Variants in PLIN1 observed in about 807,000 individuals in gnomAD.
PLIN1 encodes perilipin-1.
A neutral mutation model predicts 45.8 loss-of-function variants in PLIN1; 37 were observed. The observed-to-expected ratio is 0.81, with a 90% CI of 0.62 to 1.06. The LOEUF is 1.06. PLIN1 is among the 50% of genes least tolerant of loss of function. The pLI, the probability that PLIN1 is intolerant of heterozygous loss-of-function variation, is 0.00. For synonymous variants in PLIN1, 340 were observed against 309.2 expected, an observed-to-expected ratio of 1.10 and a Z score of -1.05; for missense variants, 776 against 716.5, an observed-to-expected ratio of 1.08 and a Z score of -0.95.
Position 89,664,588 on chromosome 15 carries a change from C to A in PLIN1, c.*995G>T. The A allele has an allele frequency of 3.8e-6, 1 of 262,182 alleles. No individual in the cohort carries two copies. The highest frequency in any genetic ancestry group is 7.6e-6 in the Non-Finnish European group (1 of 131,658). 16.2% of individuals were successfully genotyped at this position (262,182 alleles called of 1,614,324 possible). A position where few individuals can be genotyped will look rare whatever the true frequency, so the allele number is the denominator to read the frequency against. On this transcript the variant is annotated 3_prime_UTR_variant, in exon 9 of 9. Transcript: ENST00000300055. The stretch of plus-strand genomic sequence containing the variant: ...TTATTAAGTGAAAAAAGCAGGCATG[C>A]GTAACACCCCACAGCTTGTGTAAAC...
At chr15:89,667,247 C>T in intron 7 of PLIN1, 66 bp from the exon 8 acceptor site, 1 of 1,601,056 alleles carries the variant, frequency 6.2e-7, no homozygotes, top group Non-Finnish European at 8.5e-7. Flanking sequence ...CCCCACCAGC[C>T]CCAGGGCTAG....
rs752109805 is a variant in PLIN1, at chr15:89,677,741, TTTTC to T, written c.-14-242_-14-239del. On this transcript the variant is annotated intron_variant, in intron 1 of 8. Coordinates refer to ENST00000300055, the MANE Select transcript of PLIN1 (RefSeq NM_002666.5). ...CAAGACTGATGTTTCTTTCTTTTTCTTTTCTTTCTTTCTTTTTTTTTTTTTTTGA... is the reference window on the plus strand; with the variant it reads ...CAAGACTGATGTTTCTTTCTTTTTCTTTTCTTTCTTTTTTTTTTTTTTTGA... 431 of 550,658 alleles carry T rather than the reference TTTTC, an allele frequency of 7.8e-4. 2 individuals carry two copies. Among genetic ancestry groups the T allele is most frequent in the African/African-American group, 5.3e-3 (281 of 52,996 alleles). 34.1% of individuals were successfully genotyped at this position (550,658 alleles called of 1,614,324 possible). A position where few individuals can be genotyped will look rare whatever the true frequency, so the allele number is the denominator to read the frequency against.
At chr15:89,677,239 A>G in intron 2 of PLIN1, 1 of 614,348 alleles carries the variant, frequency 1.6e-6, no homozygotes, top group South Asian at 1.9e-5. Context: ...TTAATTTTTA[A>G]TAGGCATCTT....
chr15:89,666,885 C>T (rs1348907497), intron 8 of PLIN1, 51 bp downstream of exon 8: 1 of 1,608,242 alleles, frequency 6.2e-7, no homozygotes. Flanking sequence ...CTTTATCTGC[C>T]ATGTCCAGGC....
In PLIN1 at chr15:89,664,431, A is replaced by C. The variant is rs749534340; in HGVS notation, c.*1152T>G. On this transcript the variant is annotated 3_prime_UTR_variant, in exon 9 of 9. Transcript: ENST00000300055. ...GCAAAAAAGAAAAAAAAAGGAAACAACTTAAAAGTCCATCATTAGGGAACT... is the reference window on the plus strand; with the variant it reads ...GCAAAAAAGAAAAAAAAAGGAAACACCTTAAAAGTCCATCATTAGGGAACT... The C allele has an allele frequency of 3.3e-5, 5 of 153,676 alleles. No individual in the cohort carries two copies. Among genetic ancestry groups the C allele is most frequent in the Non-Finnish European group, 7.2e-5 (5 of 69,360 alleles). 9.5% of individuals were successfully genotyped at this position (153,676 alleles called of 1,614,324 possible). A position where few individuals can be genotyped will look rare whatever the true frequency, so the allele number is the denominator to read the frequency against.
chr15:89,669,821 T>C, intron 5 of PLIN1, 149 bp from the exon 6 acceptor site: 5 of 120,984 alleles, frequency 4.1e-5, no homozygotes, highest in South Asian at 6.4e-5. Context: ...TCTTTACAGA[T>C]GGGGTGGGGG....
intron 2 of PLIN1, among the ~76,000 whole-genome samples, chr15:89,673,931 C>T (rs1001132824): frequency 1.2e-4 from 18 of 152,306 alleles, no homozygotes; most frequent in African/African-American, 4.3e-4. Flanking sequence ...CTCTGCTTGA[C>T]CAGCACTCCC....
At chr15:89,677,266 T>C in intron 2 of PLIN1, 179 bp downstream of exon 2, 2 of 678,650 alleles carry the variant, frequency 2.9e-6, no homozygotes, top group Non-Finnish European at 2.7e-6. Context: ...CCCTCCCAGA[T>C]CCTCCAACTG....
At chr15:89,675,903 G>T (rs551523225) in intron 2 of PLIN1, among the ~76,000 whole-genome samples, 12 of 152,292 alleles carry the variant, frequency 7.9e-5, no homozygotes, top group African/African-American at 2.9e-4. Context: ...AAAATAACAT[G>T]AAGTGGGGGA....
intron 4 of PLIN1, 133 bp from the exon 5 acceptor site, chr15:89,670,377 AT>A: frequency 1.1e-6 from 1 of 879,234 alleles, no homozygotes; most frequent in Non-Finnish European, 1.7e-6. Flanking sequence ...TGGTACTGAT[AT>A]TTAGGTACCT....
At position 89,673,560 on chromosome 15, in the gene PLIN1, GC is replaced by G; in HGVS notation, c.46-147del. 1.9e-5 allele frequency: 13 copies of G among 692,164 alleles called. No homozygotes were observed. In the South Asian group the frequency reaches 1.9e-4, roughly 10 times the overall value. 42.9% of individuals were successfully genotyped at this position (692,164 alleles called of 1,614,324 possible). A position where few individuals can be genotyped will look rare whatever the true frequency, so the allele number is the denominator to read the frequency against. On this transcript the variant is annotated intron_variant, in intron 2 of 8. Coordinates refer to ENST00000300055, the MANE Select transcript of PLIN1 (RefSeq NM_002666.5). ...ACCAAGGCCAAAGAGGTCTCTAGAT[GC>G]CCCAATCATGGGAGCGTGGGAGAGC...
At position 89,664,786 on chromosome 15, in the gene PLIN1, C is replaced by T. The variant is rs766177005; in HGVS notation, c.*797G>A. ...GTATGAATGCATTTTCTAGATTTAT[C>T]AAATATTAACATTTCGAAGACTAGG... On this transcript the variant is annotated 3_prime_UTR_variant, in exon 9 of 9. Coordinates refer to ENST00000300055, the MANE Select transcript of PLIN1 (RefSeq NM_002666.5). The T allele has an allele frequency of 2.3e-6, 1 of 430,180 alleles. No individual in the cohort carries two copies. Among genetic ancestry groups the T allele is most frequent in the Non-Finnish European group, 4.7e-6 (1 of 213,186 alleles). 26.6% of individuals were successfully genotyped at this position (430,180 alleles called of 1,614,324 possible). A position where few individuals can be genotyped will look rare whatever the true frequency, so the allele number is the denominator to read the frequency against.
rs1311236693 is a variant in PLIN1 at position 89,669,546 on chromosome 15, T to G, written c.725A>C (p.Glu242Ala). The change falls in exon 6 of 9, where the codon GAG (glutamate) becomes GCG (alanine). Residue 242 changes from glutamate (E) to alanine (A), a missense_variant. Physicochemically the swap from Glu to Ala is moderately radical, Grantham distance 107. Transcript: ENST00000300055. ...CCACATGGCCACGGTGTGGCCCTGC[T>G]CCAGGGCCCGGGCCATGGTCTGCAC... ...YTVQTMARALEQGHTVAMWIP... is the reference protein window; with the variant it reads ...YTVQTMARALAQGHTVAMWIP... 1 of 1,613,340 alleles carries G rather than the reference T, an allele frequency of 6.2e-7. No individual in the cohort carries two copies. Among genetic ancestry groups the G allele is most frequent in the Admixed American group, 1.7e-5 (1 of 59,998 alleles).
intron 5 of PLIN1, 26 bp downstream of exon 5, chr15:89,669,954 A>G: frequency 6.2e-7 from 1 of 1,601,342 alleles, no homozygotes; most frequent in South Asian, 1.1e-5. Context: ...ACTCACTCCC[A>G]GGCCGAGCCT....
chr15:89,668,199 C>G (rs1354594200), intron 6 of PLIN1, among the ~76,000 whole-genome samples: 1 of 152,198 alleles, frequency 6.6e-6, no homozygotes, highest in East Asian at 1.9e-4. Context: ...CTATTAATAG[C>G]TCCTTTAGTT....
intron 8 of PLIN1, 69 bp downstream of exon 8, chr15:89,666,867 C>G: frequency 1.3e-6 from 2 of 1,588,672 alleles, no homozygotes; most frequent in Non-Finnish European, 1.7e-6. Context: ...CCCCTTCAGT[C>G]AAATCTACTT....
Position 89,665,198 on chromosome 15 carries a change from T to A in PLIN1, c.*385A>T. The A allele has an allele frequency of 4.4e-6, 1 of 225,548 alleles. No individual in the cohort carries two copies. The highest frequency in any genetic ancestry group is 9.0e-6 in the Non-Finnish European group (1 of 110,894). The allele number at this position is 225,548 out of a possible 1,614,324, so 14.0% of individuals were successfully genotyped here. On this transcript the variant is annotated 3_prime_UTR_variant, in exon 9 of 9. Coordinates refer to ENST00000300055, the MANE Select transcript of PLIN1 (RefSeq NM_002666.5). ...CCTTCAGAGTGGTGACAGGAGTTACTCATTCGTGGCAAATATTTATCCGCA... is the reference window on the plus strand; with the variant it reads ...CCTTCAGAGTGGTGACAGGAGTTACACATTCGTGGCAAATATTTATCCGCA...
At chr15:89,676,502 C>T (rs533802852) in intron 2 of PLIN1, 1 of 152,374 alleles carries the variant, frequency 6.6e-6, no homozygotes, top group East Asian at 1.9e-4. Context: ...CCGCCTTGGC[C>T]TCCCAAAGTG....
chr15:89,666,923 G>A lies in PLIN1; in HGVS notation c.1209+13C>T, dbSNP rs2141525470. 1 of 1,613,738 alleles carries A rather than the reference G, an allele frequency of 6.2e-7. No individual in the cohort carries two copies. On this transcript the variant is annotated intron_variant, in intron 8 of 8. Coordinates refer to ENST00000300055, the MANE Select transcript of PLIN1 (RefSeq NM_002666.5). ...CCTTGGGACACTAACAGTTTGCCAG[G>A]GGTGGTACTCACCGGCACGTAATGC...
Sources: allele counts gnomAD v4.1 joint callset (sites outside exome capture counted in the v4.1 genomes callset), GRCh38; gene constraint gnomAD v4.1.1; transcripts MANE v1.5; gene names NCBI Gene and HGNC (gene_info 2026-07-23, HGNC 2026-07-21).